CAMK2D: variants seen among roughly 807,000 people sequenced by gnomAD.
The protein encoded by CAMK2D is calcium/calmodulin dependent protein kinase II delta, also known as calcium/calmodulin-dependent protein kinase type II subunit delta.
In CAMK2D, 37 loss-of-function variants were observed where a neutral mutation model predicts 84.0. That is an observed-to-expected ratio of 0.44 (90% CI 0.34 to 0.58). The LOEUF (loss-of-function observed/expected upper bound fraction) is 0.58. CAMK2D is among the 20% of genes least tolerant of loss of function. The pLI is 0.02. For missense variants in CAMK2D, 448 were observed against 652.5 expected, an observed-to-expected ratio of 0.69 and a Z score of 3.41; for synonymous variants, 202 against 212.5, an observed-to-expected ratio of 0.95 and a Z score of 0.43.
At chr4:113,736,927 C>A (rs772051274) in intron 2 of CAMK2D, among the ~76,000 whole-genome samples, 2 of 151,702 alleles carry the variant, frequency 1.3e-5, no homozygotes, top group Non-Finnish European at 3.0e-5. Flanking sequence ...ATCCAATATG[C>A]GCATTATGAA....
chr4:113,454,962 T>C (rs1415196452), intron 20 of CAMK2D, among the ~76,000 whole-genome samples: 5 of 152,200 alleles, frequency 3.3e-5, no homozygotes, highest in Non-Finnish European at 7.3e-5. Context: ...ACAAGGAATA[T>C]AGTCTCGAAA....
chr4:113,607,622 C>T (rs1448351917), intron 4 of CAMK2D, among the ~76,000 whole-genome samples: 5 of 151,974 alleles, frequency 3.3e-5, no homozygotes, highest in African/African-American at 7.3e-5. Flanking sequence ...TCCCTGTCCC[C>T]GCCCGCAAGA....
chr4:113,648,705 C>A (rs575150805), intron 3 of CAMK2D, among the ~76,000 whole-genome samples: 4 of 152,160 alleles, frequency 2.6e-5, no homozygotes, highest in Non-Finnish European at 5.9e-5. Flanking sequence ...GAGCACCCAA[C>A]TTGACTGCTC....
At chr4:113,499,475 C>T (rs754271562) in intron 16 of CAMK2D, among the ~76,000 whole-genome samples, 1 of 152,168 alleles carries the variant, frequency 6.6e-6, no homozygotes, top group Non-Finnish European at 1.5e-5. Flanking sequence ...ATTGACCCCA[C>T]GTCTCCTTGA....
intron 4 of CAMK2D, among the ~76,000 whole-genome samples, chr4:113,574,076 G>A (rs769488283): frequency 6.6e-6 from 1 of 152,064 alleles, no homozygotes; most frequent in East Asian, 1.9e-4. Flanking sequence ...ACTCCTACCC[G>A]TGCACCAATC....
intron 8 of CAMK2D, among the ~76,000 whole-genome samples, chr4:113,528,456 A>G (rs2098436600): frequency 6.6e-6 from 1 of 152,138 alleles, no homozygotes; most frequent in Non-Finnish European, 1.5e-5. Context: ...GGGATGAAGA[A>G]AAAAAGTAGA....
At position 113,515,092 on chromosome 4, in the gene CAMK2D, C is replaced by T. The variant is rs1443501806; in HGVS notation, c.796G>A (p.Ala266Thr). 3.1e-6 allele frequency: 5 copies of T among 1,613,138 alleles called. No homozygotes were observed. Among genetic ancestry groups the T allele is most frequent in the African/African-American group, 1.3e-5 (1 of 74,838 alleles). The change falls in exon 10 of 21, where the codon GCA becomes ACA. Residue 266 changes from alanine (A) to threonine (T), a missense_variant. Around this residue, in one of 7 missense-constraint regions of CAMK2D, gnomAD observed 69 missense variants for 175.6 expected, o/e 0.39. Transcript: ENST00000511664. ...NPAKRITASE[A>T]LKHPWICQRS... ...ACACAGATCCATGGGTGCTTCAGTG[C>T]CTCTGAGGCTGTGATGCGTTTGGCA... is the stretch of plus-strand genomic sequence containing the variant.
At position 113,761,613 on chromosome 4, in the gene CAMK2D, G is replaced by A. The variant is rs965136049; in HGVS notation, c.-545C>T. 2 of 985,046 alleles carry A rather than the reference G, an allele frequency of 2.0e-6. No individual in the cohort carries two copies. Among genetic ancestry groups the A allele is most frequent in the African/African-American group, 1.7e-5 (1 of 57,188 alleles). The allele number at this position is 985,046 out of a possible 1,614,324, so 61.0% of individuals were successfully genotyped here. ...GCGCGGGGCGCGCCGGGGCTCCGAC[G>A]AGCGTGCGCGCCCGAGGCCGGCTTC... is the stretch of plus-strand genomic sequence containing the variant. On this transcript the variant is annotated 5_prime_UTR_variant, in exon 1 of 21. Transcript: ENST00000511664.
intron 4 of CAMK2D, among the ~76,000 whole-genome samples, chr4:113,575,585 C>T (rs2098777083): frequency 6.6e-6 from 1 of 152,186 alleles, no homozygotes; most frequent in African/African-American, 2.4e-5. Context: ...CAAGTCCTGT[C>T]AAACCACAAT....
At chr4:113,747,319 T>TTTAAA (rs1554093408) in intron 2 of CAMK2D, among the ~76,000 whole-genome samples, 2 of 147,262 alleles carry the variant, frequency 1.4e-5, no homozygotes, top group African/African-American at 4.9e-5. Flanking sequence ...TTTTTTTTTT[T>TTTAAA]AAATTCAATA....
intron 16 of CAMK2D, among the ~76,000 whole-genome samples, chr4:113,492,973 T>G (rs1294339935): frequency 1.1e-5 from 1 of 89,190 alleles, no homozygotes; most frequent in Non-Finnish European, 2.2e-5. Flanking sequence ...ACCCCTGCCT[T>G]TTTTTGTTTT....
chr4:113,748,619 C>A (rs2099610175), intron 2 of CAMK2D, among the ~76,000 whole-genome samples: 1 of 151,836 alleles, frequency 6.6e-6, no homozygotes, highest in South Asian at 2.1e-4. Flanking sequence ...AAGTATAATT[C>A]ACTTATTAAG....
chr4:113,669,051 C>T (rs2099269153), intron 2 of CAMK2D, among the ~76,000 whole-genome samples: 1 of 152,068 alleles, frequency 6.6e-6, no homozygotes, highest in South Asian at 2.1e-4. Context: ...TATTTTCCCT[C>T]TTCCACAACA....
intron 3 of CAMK2D, among the ~76,000 whole-genome samples, chr4:113,660,037 T>C (rs891507171): frequency 1.3e-5 from 2 of 152,142 alleles, no homozygotes; most frequent in Non-Finnish European, 2.9e-5. Flanking sequence ...AAAGCAGGAA[T>C]AGAAATTGAA....
At chr4:113,713,543 AAT>A (rs2099501309) in intron 2 of CAMK2D, among the ~76,000 whole-genome samples, 2 of 148,542 alleles carry the variant, frequency 1.3e-5, no homozygotes, top group South Asian at 4.2e-4. Context: ...TAGTATTATT[AAT>A]ATGACTCTTT....
chr4:113,641,264 T>C lies in CAMK2D; in HGVS notation c.220+20449A>G, dbSNP rs1005772356. Among the ~76,000 whole-genome samples the C allele has an allele frequency of 6.6e-5, 10 of 152,288 alleles. No homozygotes were observed. The South Asian group carries it at 1.2e-3, about 19-fold the overall frequency. ...AACATGAACTTTGGAATCAAACAAA[T>C]GTATTTGAATCCTGGTTCCACCCTT... On this transcript the variant is annotated intron_variant, in intron 3 of 20. Coordinates refer to ENST00000511664, the MANE Select transcript of CAMK2D (RefSeq NM_001321571.2).
At chr4:113,473,469 T>C (rs1302095974) in intron 16 of CAMK2D, among the ~76,000 whole-genome samples, 2 of 152,212 alleles carry the variant, frequency 1.3e-5, no homozygotes, top group Non-Finnish European at 2.9e-5. Context: ...ATCAAACTTA[T>C]CACAGATTCT....
At chr4:113,578,240 C>T (rs1029344700) in intron 4 of CAMK2D, among the ~76,000 whole-genome samples, 8 of 152,138 alleles carry the variant, frequency 5.3e-5, no homozygotes, top group Non-Finnish European at 1.0e-4. Flanking sequence ...GTTCACATTT[C>T]CCCCTTTATT....
At chr4:113,645,941 G>C (rs922492286) in intron 3 of CAMK2D, among the ~76,000 whole-genome samples, 17 of 152,206 alleles carry the variant, frequency 1.1e-4, no homozygotes, top group African/African-American at 3.4e-4. Context: ...CCAGCCAGCA[G>C]AATAGGAATT....
Sources: gnomAD v4.1 joint callset for allele counts (sites outside exome capture counted in the v4.1 genomes callset) on GRCh38, gnomAD v4.1.1 for gene constraint, gnomAD v4.1.1 regional missense constraint, MANE v1.5 for transcripts, NCBI Gene and HGNC (gene_info 2026-07-23, HGNC 2026-07-21) for gene names.